Variants in RORA observed in about 807,000 individuals in gnomAD.
RORA encodes RAR related orphan receptor A, also known as nuclear receptor ROR-alpha.
RORA carries 7 observed loss-of-function variants against 69.5 expected under a neutral mutation model. The observed-to-expected ratio is 0.10, with a 90% CI of 0.06 to 0.19. The LOEUF (loss-of-function observed/expected upper bound fraction) is 0.19, where lower values mean the gene tolerates loss of function less well. Ranked by LOEUF, RORA falls within the 10% of genes least tolerant of loss-of-function variation. RORA has a pLI of 1.00. For missense variants in RORA, 457 were observed against 663.0 expected, an observed-to-expected ratio of 0.69 and a Z score of 3.41; for synonymous variants, 261 against 240.8, an observed-to-expected ratio of 1.08 and a Z score of -0.78.
At chr15:60,717,944 C>A (rs953843419) in intron 1 of RORA, among the ~76,000 whole-genome samples, 3 of 151,844 alleles carry the variant, frequency 2.0e-5, no homozygotes, top group Admixed American at 6.6e-5. Context: ...GAATTACAGG[C>A]ATGCAGCACC....
At chr15:60,757,594 G>A (rs1416964384) in intron 1 of RORA, among the ~76,000 whole-genome samples, 3 of 152,070 alleles carry the variant, frequency 2.0e-5, no homozygotes, top group Admixed American at 6.6e-5. Context: ...CAAACAATCC[G>A]TCTTCTGATT....
chr15:60,502,620 T>A, intron 8 of RORA, 140 bp downstream of exon 8: 1 of 667,504 alleles, frequency 1.5e-6, no homozygotes. Flanking sequence ...AGTGACTAAC[T>A]AGAAAGTAAA....
chr15:60,883,871 T>C (rs1180222302), intron 1 of RORA, among the ~76,000 whole-genome samples: 1 of 152,186 alleles, frequency 6.6e-6, no homozygotes, highest in Non-Finnish European at 1.5e-5. Flanking sequence ...GATACCACGA[T>C]GTGGCTACCA....
At chr15:60,766,206 T>C (rs1044703352) in intron 1 of RORA, among the ~76,000 whole-genome samples, 7 of 152,118 alleles carry the variant, frequency 4.6e-5, no homozygotes, top group Non-Finnish European at 7.4e-5. Context: ...CCTTGTTATA[T>C]GGAATTGTGT....
chr15:60,941,307 T>C (rs1284710368), intron 1 of RORA, among the ~76,000 whole-genome samples: 7 of 152,122 alleles, frequency 4.6e-5, no homozygotes, highest in Non-Finnish European at 7.3e-5. Flanking sequence ...AGTGGAAGGG[T>C]TGGATGAAAT....
chr15:61,154,271 C>T (rs1353738219), intron 1 of RORA, among the ~76,000 whole-genome samples: 1 of 152,016 alleles, frequency 6.6e-6, no homozygotes, highest in Non-Finnish European at 1.5e-5. Context: ...AAGTAAAGGC[C>T]AAGATAGGAA....
intron 1 of RORA, among the ~76,000 whole-genome samples, chr15:60,772,344 A>G (rs112099183): frequency 3.3e-3 from 507 of 152,248 alleles, no homozygotes; most frequent in Non-Finnish European, 5.5e-3. Flanking sequence ...AGGTGGCAGG[A>G]TTCTCTTGCT....
rs574159621 is a variant in RORA at position 60,494,439 on chromosome 15, T to G, written c.*3016A>C. 6.6e-6 allele frequency: 1 copy of G among 152,356 alleles called. No individual in the cohort carries two copies. The highest frequency in any genetic ancestry group is 2.1e-4 in the South Asian group (1 of 4,830). 9.4% of individuals were successfully genotyped at this position (152,356 alleles called of 1,614,324 possible). A position where few individuals can be genotyped will look rare whatever the true frequency, so the allele number is the denominator to read the frequency against. On this transcript the variant is annotated 3_prime_UTR_variant, in exon 11 of 11. Transcript: ENST00000335670. The stretch of plus-strand genomic sequence containing the variant: ...TAAAAGACTATTGGAGACTGAAGTT[T>G]AGGAAACTTTAATTATAAAAACTAT...
intron 1 of RORA, among the ~76,000 whole-genome samples, chr15:61,174,428 G>C (rs889390532): frequency 3.3e-5 from 5 of 152,152 alleles, no homozygotes; most frequent in African/African-American, 1.2e-4. Flanking sequence ...GATTTAATTT[G>C]TCACTGGCAA....
At chr15:60,593,201 C>G (rs2068591135) in intron 2 of RORA, 1 of 271,322 alleles carries the variant, frequency 3.7e-6, no homozygotes, top group South Asian at 3.0e-5. Flanking sequence ...TACCAATAAC[C>G]AAGGTCCTGG....
chr15:61,182,940 T>C (rs2079701761), intron 1 of RORA: 1 of 152,170 alleles, frequency 6.6e-6, no homozygotes, highest in Non-Finnish European at 1.5e-5. Flanking sequence ...TTCACAGGGA[T>C]CAAGATCAAG....
At chr15:61,032,515 C>T (rs1896226106) in intron 1 of RORA, among the ~76,000 whole-genome samples, 1 of 152,142 alleles carries the variant, frequency 6.6e-6, no homozygotes, top group African/African-American at 2.4e-5. Flanking sequence ...ACGGAGTAGA[C>T]CAAAATTGCC....
chr15:61,205,499 T>C (rs777882866), intron 1 of RORA, among the ~76,000 whole-genome samples: 8 of 152,166 alleles, frequency 5.3e-5, no homozygotes, highest in Non-Finnish European at 8.8e-5. Context: ...GATCAGAGTT[T>C]CGCTTTGTCT....
chr15:60,779,504 C>T lies in RORA; in HGVS notation c.167-100818G>A, dbSNP rs370088012. On this transcript the variant is annotated intron_variant, in intron 1 of 10. Coordinates refer to ENST00000335670, the MANE Select transcript of RORA (RefSeq NM_134261.3). ...CAATCCAGGCTGCTCACTGCACCTG[C>T]TGCTGTGGAAGATGTAATAGGAGCA... Among the ~76,000 whole-genome samples the T allele has an allele frequency of 2.6e-5, 4 of 152,296 alleles. No homozygotes were observed. In the East Asian group the frequency reaches 5.8e-4, roughly 22 times the overall value.
intron 2 of RORA, among the ~76,000 whole-genome samples, chr15:60,595,233 C>T (rs2068639988): frequency 6.6e-6 from 1 of 152,080 alleles, no homozygotes; most frequent in South Asian, 2.1e-4. Flanking sequence ...CATGTAAAAG[C>T]CGGGCATGGT....
At chr15:60,763,096 T>TTTTTTTTTTTTTTA (rs375632043) in intron 1 of RORA, among the ~76,000 whole-genome samples, 1 of 109,368 alleles carries the variant, frequency 9.1e-6, no homozygotes, top group Admixed American at 1.2e-4. Flanking sequence ...TTTTTTTTTT[T>TTTTTTTTTTTTTTA]AACCAACCTA....
intron 3 of RORA, chr15:60,529,771 A>G (rs2066474031): frequency 6.6e-6 from 1 of 152,198 alleles, no homozygotes; most frequent in Admixed American, 6.5e-5. Context: ...ACTCAATAGC[A>G]TGTTGTTAAT....
chr15:60,856,949 T>A (rs1417057031), intron 1 of RORA, among the ~76,000 whole-genome samples: 1 of 152,224 alleles, frequency 6.6e-6, no homozygotes, highest in Non-Finnish European at 1.5e-5. Flanking sequence ...AATGGGAGAA[T>A]GTCAGAAAGA....
chr15:60,664,287 T>C (rs1257294029), intron 2 of RORA, among the ~76,000 whole-genome samples: 7 of 152,072 alleles, frequency 4.6e-5, no homozygotes, highest in African/African-American at 1.4e-4. Context: ...GTGGTGAGGA[T>C]GTGTGTGTGA....
Sources: gnomAD v4.1 joint callset for allele counts (sites outside exome capture counted in the v4.1 genomes callset) on GRCh38, gnomAD v4.1.1 for gene constraint, MANE v1.5 for transcripts, NCBI Gene and HGNC (gene_info 2026-07-23, HGNC 2026-07-21) for gene names.